Variants in SPACA7 observed in about 807,000 individuals in gnomAD.
SPACA7 encodes the protein sperm acrosome associated 7.
Under a neutral mutation model 26.3 loss-of-function variants are expected in SPACA7, and 19 were observed. That is an observed-to-expected ratio of 0.72 (90% CI 0.50 to 1.06). The LOEUF is 1.06. Ranked by LOEUF, SPACA7 falls within the 50% of genes least tolerant of loss-of-function variation. The pLI is 0.00. For missense variants in SPACA7, 211 were observed against 229.9 expected, an observed-to-expected ratio of 0.92 and a Z score of 0.53; for synonymous variants, 84 against 84.5, an observed-to-expected ratio of 0.99 and a Z score of 0.04.
intron 5 of SPACA7, among the ~76,000 whole-genome samples, chr13:112,406,487 G>C (rs140569459): frequency 3.6e-4 from 55 of 152,236 alleles, no homozygotes; most frequent in African/African-American, 1.2e-3. Context: ...TTAATATTGA[G>C]AATGTATTTT....
At position 112,412,233 on chromosome 13, in the gene SPACA7, T is replaced by C. The variant is rs577060368; in HGVS notation, c.445+11069T>C. On this transcript the variant is annotated intron_variant, in intron 5 of 6. Transcript: ENST00000283550. ...TTCACATACCTGTTGGCCACTTGTA[T>C]GGCTTCTTTTGAGAATGTCAGTTCA... Among the ~76,000 whole-genome samples the C allele has an allele frequency of 2.4e-4, 37 of 152,314 alleles. No homozygotes were observed. In the South Asian group the frequency reaches 7.7e-3, roughly 32 times the overall value.
At chr13:112,423,733 A>C (rs576421889) in intron 5 of SPACA7, among the ~76,000 whole-genome samples, 3 of 152,220 alleles carry the variant, frequency 2.0e-5, no homozygotes, top group Non-Finnish European at 2.9e-5. Flanking sequence ...AGGAAGAGAA[A>C]TAGAAATGAA....
intron 5 of SPACA7, among the ~76,000 whole-genome samples, chr13:112,431,984 A>G (rs1877189251): frequency 6.6e-6 from 1 of 152,196 alleles, no homozygotes; most frequent in Non-Finnish European, 1.5e-5. Flanking sequence ...ATTGGTAGAA[A>G]GGGCTGGCCA....
intron 2 of SPACA7, among the ~76,000 whole-genome samples, chr13:112,395,828 A>G (rs116522081): frequency 0.014 from 2,059 of 152,288 alleles, 46 homozygotes; most frequent in African/African-American, 0.047. Flanking sequence ...TCCTCTCTCA[A>G]AAAATTCAAC....
chr13:112,382,611 T>G (rs1242055260), intron 1 of SPACA7: 13 of 1,405,588 alleles, frequency 9.2e-6, no homozygotes, highest in African/African-American at 1.4e-5. Flanking sequence ...TTATCTATAG[T>G]TTTAGTACAG....
chr13:112,391,960 G>A (rs754704905), intron 1 of SPACA7, among the ~76,000 whole-genome samples: 4 of 152,188 alleles, frequency 2.6e-5, no homozygotes, highest in Non-Finnish European at 1.5e-5. Context: ...GCGCAGACGA[G>A]TCGATTGGTA....
intron 4 of SPACA7, among the ~76,000 whole-genome samples, chr13:112,400,511 A>C (rs1463726966): frequency 6.6e-6 from 1 of 152,118 alleles, no homozygotes; most frequent in African/African-American, 2.4e-5. Flanking sequence ...AGGGATTACT[A>C]TAGTCTGTGG....
intron 3 of SPACA7, among the ~76,000 whole-genome samples, chr13:112,398,781 C>A (rs1458429858): frequency 6.6e-6 from 1 of 152,170 alleles, no homozygotes; most frequent in Non-Finnish European, 1.5e-5. Flanking sequence ...TATTCGGCAG[C>A]AGGAAAGTTC....
chr13:112,382,215 T>C, intron 1 of SPACA7: 1 of 490,696 alleles, frequency 2.0e-6, no homozygotes, highest in Non-Finnish European at 3.6e-6. Flanking sequence ...TTTCAATCTC[T>C]CCCTTTGGGT....
intron 2 of SPACA7, among the ~76,000 whole-genome samples, chr13:112,397,160 G>A (rs1885325588): frequency 6.6e-6 from 1 of 152,216 alleles, no homozygotes; most frequent in South Asian, 2.1e-4. Flanking sequence ...TTCGTTTCCA[G>A]TGGCATTTTC....
At chr13:112,412,022 C>G (rs1365459362) in intron 5 of SPACA7, among the ~76,000 whole-genome samples, 2 of 152,004 alleles carry the variant, frequency 1.3e-5, no homozygotes, top group African/African-American at 4.8e-5. Context: ...TTTGAGGAAC[C>G]TCTATACTGT....
At chr13:112,419,548 T>C (rs1886890921) in intron 5 of SPACA7, among the ~76,000 whole-genome samples, 1 of 152,198 alleles carries the variant, frequency 6.6e-6, no homozygotes, top group Admixed American at 6.5e-5. Context: ...CAAAGATCTA[T>C]GACTTCTGGG....
At chr13:112,391,247 A>C (rs1301906736) in intron 1 of SPACA7, among the ~76,000 whole-genome samples, 1 of 152,216 alleles carries the variant, frequency 6.6e-6, no homozygotes, top group East Asian at 1.9e-4. Flanking sequence ...CTTGAAGACC[A>C]ATTAAGGGAT....
At chr13:112,393,214 A>G (rs1285293699) in intron 2 of SPACA7, 137 bp downstream of exon 2, 16 of 603,256 alleles carry the variant, frequency 2.7e-5, no homozygotes, top group Non-Finnish European at 1.2e-5. Context: ...AGAATCATAT[A>G]CCAATGGCCC....
intron 5 of SPACA7, 109 bp from the exon 6 acceptor site, chr13:112,432,335 G>A (rs554518239): frequency 1.2e-6 from 1 of 818,246 alleles, no homozygotes; most frequent in Admixed American, 2.1e-5. Context: ...CTCTGTGCGT[G>A]GGTGCTGCTT....
intron 2 of SPACA7, among the ~76,000 whole-genome samples, chr13:112,394,599 T>A (rs1258311469): frequency 5.9e-5 from 9 of 152,034 alleles, no homozygotes; most frequent in African/African-American, 2.2e-4. Flanking sequence ...AGCGCTCCAG[T>A]GAATGAATGG....
Position 112,376,474 on chromosome 13 carries a change from T to C in SPACA7, c.89T>C (p.Ile30Thr), listed in dbSNP as rs201471740. The C allele has an allele frequency of 1.9e-5, 30 of 1,612,632 alleles. No homozygotes were observed. The highest frequency in any genetic ancestry group is 2.5e-5 in the Non-Finnish European group (29 of 1,179,442). Residue 30 changes from isoleucine to threonine, a missense_variant, in exon 1 of 7, where the codon ATT (isoleucine) becomes ACT (threonine). Physicochemically the swap from Ile to Thr is moderately conservative, Grantham distance 89 (BLOSUM62 -1). Transcript: ENST00000283550. ...ACTGAGCTCCGGCCGAGAACCGTGA[T>C]TCCAGGTAGGGCCCCACAGGGATGT... is the stretch of plus-strand genomic sequence containing the variant. ...QETELRPRTV[I>T]PGSPTEIPFS...
intron 1 of SPACA7, among the ~76,000 whole-genome samples, chr13:112,381,357 G>A (rs1004365134): frequency 3.3e-5 from 5 of 152,012 alleles, no homozygotes; most frequent in African/African-American, 1.2e-4. Flanking sequence ...GCAGGGTGTG[G>A]TGGCATGTGT....
At chr13:112,411,656 T>G (rs1886360303) in intron 5 of SPACA7, among the ~76,000 whole-genome samples, 1 of 152,018 alleles carries the variant, frequency 6.6e-6, no homozygotes, top group African/African-American at 2.4e-5. Flanking sequence ...ATGAGATCAT[T>G]TTTTTTAGCT....
Sources: allele counts gnomAD v4.1 joint callset (sites outside exome capture counted in the v4.1 genomes callset), GRCh38; gene constraint gnomAD v4.1.1; transcripts MANE v1.5; gene names NCBI Gene and HGNC (gene_info 2026-07-23, HGNC 2026-07-21).